NOL4: variants seen among roughly 807,000 people sequenced by gnomAD.
NOL4 encodes nucleolar protein 4.
In NOL4, 17 loss-of-function variants were observed where a neutral mutation model predicts 75.9. The ratio of observed to expected loss-of-function variants is 0.22; its 90% CI spans 0.15 to 0.34. NOL4 has a LOEUF of 0.34. Among genes scored for constraint, NOL4 ranks in the 10% least tolerant of loss-of-function variants. The pLI is 1.00. For missense variants in NOL4, 614 were observed against 793.5 expected (o/e 0.77, Z 2.72); for synonymous variants, 292 against 289.9 (o/e 1.01, Z -0.07).
At chr18:34,096,856 A>G (rs1471135340) in intron 4 of NOL4, among the ~76,000 whole-genome samples, 1 of 152,106 alleles carries the variant, frequency 6.6e-6, no homozygotes, top group Non-Finnish European at 1.5e-5. Context: ...AACCTTTGTT[A>G]TTGAGCTTTT....
intron 9 of NOL4, among the ~76,000 whole-genome samples, chr18:33,907,875 AG>A (rs2066161308): frequency 6.6e-6 from 1 of 152,212 alleles, no homozygotes; most frequent in African/African-American, 2.4e-5. Flanking sequence ...TTATTGGTCA[AG>A]GCTAAAATAA....
chr18:34,025,788 G>A (rs2075310347), intron 5 of NOL4, among the ~76,000 whole-genome samples: 1 of 151,980 alleles, frequency 6.6e-6, no homozygotes, highest in Non-Finnish European at 1.5e-5. Context: ...TTGTGTTTTG[G>A]GAGTTTGTGC....
intron 6 of NOL4, among the ~76,000 whole-genome samples, chr18:33,992,148 C>T (rs997582223): frequency 3.9e-5 from 6 of 151,918 alleles, no homozygotes; most frequent in Non-Finnish European, 7.4e-5. Context: ...TTTTGCTTGG[C>T]ATTTGCATAA....
chr18:33,992,625 T>A (rs952724571), intron 6 of NOL4, among the ~76,000 whole-genome samples: 6 of 151,980 alleles, frequency 3.9e-5, no homozygotes, highest in Admixed American at 2.0e-4. Flanking sequence ...AATTCAAAGC[T>A]ACCAGTAAGA....
chr18:34,111,248 T>C (rs755006739), intron 2 of NOL4, among the ~76,000 whole-genome samples: 5 of 152,144 alleles, frequency 3.3e-5, no homozygotes, highest in Non-Finnish European at 5.9e-5. Flanking sequence ...AAACCATACA[T>C]AATAAAGGGT....
At chr18:33,911,276 G>A (rs2066385861) in intron 9 of NOL4, among the ~76,000 whole-genome samples, 1 of 151,728 alleles carries the variant, frequency 6.6e-6, no homozygotes, top group Non-Finnish European at 1.5e-5. Flanking sequence ...TTTCAGTCTG[G>A]TAATGCATAT....
chr18:33,957,352 G>A lies in NOL4; in HGVS notation c.1402C>T (p.Arg468Trp), dbSNP rs1337938276. The change falls in exon 8 of 11, where the codon CGG (arginine) becomes TGG (tryptophan). Residue 468 changes from arginine (R) to tryptophan (W), a missense_variant. By Grantham distance (101) the Arg-to-Trp change is moderately radical. This residue lies in a region of NOL4 where 52 missense variants were observed against 121.1 expected (regional missense o/e 0.43). Transcript: ENST00000261592. Reference sequence around the variant, plus strand: ...ATCTCAAAACCACTTCTTTTCATCCGCCTGCAGGACTTGAGGTAAGTACGT... The same window carrying A: ...ATCTCAAAACCACTTCTTTTCATCCACCTGCAGGACTTGAGGTAAGTACGT... ...RIRTYLKSCR[R>W]MKRSGFEMSR... 2 of 1,612,750 alleles carry A rather than the reference G, an allele frequency of 1.2e-6. No homozygotes were observed. The highest frequency in any genetic ancestry group is 1.7e-5 in the Admixed American group (1 of 59,898).
At chr18:33,948,641 C>T (rs982139699) in intron 8 of NOL4, among the ~76,000 whole-genome samples, 6 of 151,930 alleles carry the variant, frequency 3.9e-5, no homozygotes, top group African/African-American at 1.4e-4. Flanking sequence ...AACTGAGGTT[C>T]AGTCAGAAAA....
chr18:34,098,828 C>A (rs1387538996), intron 4 of NOL4, among the ~76,000 whole-genome samples: 1 of 152,108 alleles, frequency 6.6e-6, no homozygotes, highest in Non-Finnish European at 1.5e-5. Flanking sequence ...CCAGTTTAAT[C>A]ATTAGGGCAA....
intron 1 of NOL4, among the ~76,000 whole-genome samples, chr18:34,143,089 G>GGAAGGGAAGC (rs1428479618): frequency 3.3e-5 from 5 of 151,832 alleles, no homozygotes; most frequent in African/African-American, 1.2e-4. Flanking sequence ...GGGAGGGAAG[G>GGAAGGGAAGC]GAAGGGAAGC....
chr18:33,925,970 A>C (rs1448378340), intron 9 of NOL4, among the ~76,000 whole-genome samples: 1 of 152,162 alleles, frequency 6.6e-6, no homozygotes, highest in Admixed American at 6.5e-5. Flanking sequence ...ATAATTTTAT[A>C]ATTTGAATAA....
intron 1 of NOL4, among the ~76,000 whole-genome samples, chr18:34,209,362 A>T (rs1358105229): frequency 6.6e-6 from 1 of 152,178 alleles, no homozygotes; most frequent in East Asian, 1.9e-4. Flanking sequence ...TGAAAGTTAT[A>T]TTTTAAACCA....
At chr18:33,920,408 T>C (rs2066964398) in intron 9 of NOL4, among the ~76,000 whole-genome samples, 2 of 152,242 alleles carry the variant, frequency 1.3e-5, no homozygotes, top group South Asian at 4.1e-4. Flanking sequence ...CTTTAAATTA[T>C]GTGCCTTCAA....
chr18:34,094,941 C>A (rs1221568970), intron 4 of NOL4, among the ~76,000 whole-genome samples: 1 of 152,096 alleles, frequency 6.6e-6, no homozygotes, highest in Non-Finnish European at 1.5e-5. Context: ...GGAAGAATTA[C>A]CCTGGTTTCA....
At chr18:33,917,154 C>T (rs2066768968) in intron 9 of NOL4, among the ~76,000 whole-genome samples, 1 of 152,072 alleles carries the variant, frequency 6.6e-6, no homozygotes, top group Non-Finnish European at 1.5e-5. Context: ...TGAACTATAA[C>T]TTTCTTTCCT....
intron 9 of NOL4, among the ~76,000 whole-genome samples, chr18:33,892,756 C>T (rs2065169338): frequency 6.6e-6 from 1 of 152,050 alleles, no homozygotes; most frequent in South Asian, 2.1e-4. Context: ...CTCCCAGGCT[C>T]AAGTGATCCT....
At chr18:33,961,581 A>G (rs1009173373) in intron 6 of NOL4, among the ~76,000 whole-genome samples, 28 of 152,068 alleles carry the variant, frequency 1.8e-4, no homozygotes, top group Non-Finnish European at 7.4e-5. Context: ...TATTCTATAT[A>G]TTATATATCT....
intron 5 of NOL4, among the ~76,000 whole-genome samples, chr18:34,090,551 A>G (rs1219489238): frequency 6.6e-6 from 1 of 151,946 alleles, no homozygotes; most frequent in African/African-American, 2.4e-5. Flanking sequence ...TGTACTAGGG[A>G]GTGAGAAAAA....
intron 9 of NOL4, among the ~76,000 whole-genome samples, chr18:33,904,736 C>T (rs138808432): frequency 6.6e-6 from 1 of 152,276 alleles, no homozygotes; most frequent in East Asian, 1.9e-4. Context: ...AACCTGATAT[C>T]ATATCCCCAT....
Sources: allele counts gnomAD v4.1 joint callset (sites outside exome capture counted in the v4.1 genomes callset), GRCh38; gene constraint gnomAD v4.1.1; regional missense constraint gnomAD v4.1.1; transcripts MANE v1.5; gene names NCBI Gene and HGNC (gene_info 2026-07-23, HGNC 2026-07-21).